Variants in PDS5A observed in about 807,000 individuals in gnomAD.
PDS5A encodes sister chromatid cohesion protein PDS5 homolog A.
A neutral mutation model predicts 167.1 loss-of-function variants in PDS5A; 42 were observed. The ratio of observed to expected loss-of-function variants is 0.25; its 90% confidence interval spans 0.20 to 0.33. PDS5A has a LOEUF of 0.33. Ranked by LOEUF, PDS5A falls within the 10% of genes least tolerant of loss-of-function variation. PDS5A has a pLI of 1.00. For missense variants in PDS5A, 1,033 were observed against 1,605.9 expected (o/e 0.64, Z 6.10); for synonymous variants, 553 against 554.6 (o/e 1.00, Z 0.04).
intron 2 of PDS5A, among the ~76,000 whole-genome samples, chr4:39,952,417 T>C (rs2109789629): frequency 6.6e-6 from 1 of 152,320 alleles, no homozygotes; most frequent in East Asian, 1.9e-4. Context: ...CTAAATGAGT[T>C]AATTATAGGA....
chr4:39,922,966 T>C (rs1015079665), intron 5 of PDS5A, among the ~76,000 whole-genome samples: 2 of 152,172 alleles, frequency 1.3e-5, no homozygotes, highest in Non-Finnish European at 2.9e-5. Flanking sequence ...TACTGTTGTA[T>C]TTTATAAAAA....
chr4:39,866,099 T>C lies in PDS5A; in HGVS notation c.2642+762A>G, dbSNP rs896519614. On this transcript the variant is annotated intron_variant, in intron 23 of 32. Transcript: ENST00000303538. ...GCTTCAACTCTCCCTTGAGTTGCCA[T>C]TGCAATTTTTATTTTTATTTATTTA... is the stretch of plus-strand genomic sequence containing the variant. 4.6e-5 allele frequency among the ~76,000 whole-genome samples: 7 copies of C among 152,138 alleles called. 1 individual carries two copies. Among genetic ancestry groups the C allele is most frequent in the Admixed American group, 2.0e-4 (3 of 15,278 alleles).
intron 32 of PDS5A, chr4:39,836,989 CTTT>C (rs71194932): frequency 7.1e-5 from 7 of 98,352 alleles, no homozygotes; most frequent in Non-Finnish European, 1.4e-4. Context: ...TTTGCATTTC[CTTT>C]TTTTTTTTTT....
rs1717081131 is a variant in PDS5A at position 39,842,076 on chromosome 4, C to G, written c.3549-20G>C. The G allele has an allele frequency of 7.1e-7, 1 of 1,407,104 alleles. No homozygotes were observed. Among genetic ancestry groups the G allele is most frequent in the African/African-American group, 1.4e-5 (1 of 70,954 alleles). 87.2% of individuals were successfully genotyped at this position (1,407,104 alleles called of 1,614,324 possible). On this transcript the variant is annotated intron_variant, in intron 30 of 32. Coordinates refer to ENST00000303538, the MANE Select transcript of PDS5A (RefSeq NM_001100399.2). ...TGTTCCCTGTTTAAAACAAATAAAC[C>G]AAGACTTCATATTTCCATGAAGAGA...
chr4:39,900,523 T>C lies in PDS5A; in HGVS notation c.1500-16A>G. 1 of 1,500,178 alleles carries C rather than the reference T, an allele frequency of 6.7e-7. No individual in the cohort carries two copies. The highest frequency in any genetic ancestry group is 9.1e-7 in the Non-Finnish European group (1 of 1,094,964). The allele number at this position is 1,500,178 out of a possible 1,614,324, so 92.9% of individuals were successfully genotyped here. On this transcript the variant is annotated splice_polypyrimidine_tract_variant and intron_variant, in intron 13 of 32. Transcript: ENST00000303538. ...GTTGAGAGCTCTGTAAAGTTATGAATATGAAAACACACATTACATAACAAT... is the reference window on the plus strand; with the variant it reads ...GTTGAGAGCTCTGTAAAGTTATGAACATGAAAACACACATTACATAACAAT...
intron 26 of PDS5A, among the ~76,000 whole-genome samples, chr4:39,856,378 A>C (rs1440996165): frequency 1.3e-5 from 2 of 152,240 alleles, no homozygotes; most frequent in East Asian, 3.8e-4. Context: ...TGAGTCCATC[A>C]GGCTGAAATG....
At chr4:39,940,033 G>GA (rs1727076801) in intron 2 of PDS5A, among the ~76,000 whole-genome samples, 2 of 152,090 alleles carry the variant, frequency 1.3e-5, no homozygotes, top group African/African-American at 4.8e-5. Context: ...CGAGGCAGGA[G>GA]AATCACTTGA....
At chr4:39,969,956 G>A (rs1179467674) in intron 2 of PDS5A, among the ~76,000 whole-genome samples, 1 of 106,952 alleles carries the variant, frequency 9.3e-6, no homozygotes, top group Non-Finnish European at 2.0e-5. Flanking sequence ...ATGTAATGTA[G>A]AATCTTTTTT....
At chr4:39,968,802 G>C (rs1348124788) in intron 2 of PDS5A, among the ~76,000 whole-genome samples, 1 of 147,728 alleles carries the variant, frequency 6.8e-6, no homozygotes, top group African/African-American at 2.5e-5. Flanking sequence ...TCGTGACAGA[G>C]TCTTGCCCTG....
At position 39,903,553 on chromosome 4, in the gene PDS5A, A is replaced by G. The variant is rs1186938355; in HGVS notation, c.1385+487T>C. 3.3e-5 allele frequency among the ~76,000 whole-genome samples: 5 copies of G among 152,210 alleles called. No homozygotes were observed. The East Asian group carries it at 9.6e-4, about 29-fold the overall frequency. On this transcript the variant is annotated intron_variant, in intron 12 of 32. Transcript: ENST00000303538. ...ATGAAAACAACTTAGTAATTCCTCT[A>G]TTGGTAGTGGTGTAAAAAGGAAAGT...
chr4:39,854,247 G>A (rs896223821), intron 26 of PDS5A, among the ~76,000 whole-genome samples: 2 of 152,164 alleles, frequency 1.3e-5, no homozygotes, highest in Non-Finnish European at 2.9e-5. Context: ...AGGTTGCAAT[G>A]AGCCAAGATC....
Position 39,945,741 on chromosome 4 carries a change from C to T in PDS5A, c.139-17577G>A, listed in dbSNP as rs191041464. The stretch of plus-strand genomic sequence containing the variant: ...GAGCATCTAGCAACTTAATAGATCT[C>T]TTAATCCATTAACTGAATGTCAAGT... On this transcript the variant is annotated intron_variant, in intron 2 of 32. Transcript: ENST00000303538. Among the ~76,000 whole-genome samples, 8 of 152,294 alleles carry T rather than the reference C, an allele frequency of 5.3e-5. No homozygotes were observed. In the East Asian group the frequency reaches 1.5e-3, roughly 29 times the overall value.
intron 17 of PDS5A, among the ~76,000 whole-genome samples, chr4:39,883,364 A>G (rs1389422307): frequency 6.6e-6 from 1 of 152,108 alleles, no homozygotes; most frequent in African/African-American, 2.4e-5. Flanking sequence ...TACTTTTAGT[A>G]GATATGGGGT....
chr4:39,849,625 T>C lies in PDS5A; in HGVS notation c.3114A>G (p.Leu1038=), dbSNP rs1452568216. ...GGCTATTGTTTTCATTCTTTGTCAT[T>C]AAAACTTCAAGCATGAACCATAGGC... is the stretch of plus-strand genomic sequence containing the variant. The part of the protein sequence containing the change: ...KECLWFMLEV[L]MTKNENNSHA... Residue 1038 remains leucine, a synonymous_variant, in exon 27 of 33, where the codon TTA becomes TTG. Transcript: ENST00000303538. 1 of 1,610,528 alleles carries C rather than the reference T, an allele frequency of 6.2e-7. No individual in the cohort carries two copies. The highest frequency in any genetic ancestry group is 8.5e-7 in the Non-Finnish European group (1 of 1,177,070).
intron 32 of PDS5A, among the ~76,000 whole-genome samples, chr4:39,836,510 C>T (rs57116819): frequency 8.5e-5 from 13 of 152,198 alleles, no homozygotes; most frequent in African/African-American, 3.1e-4. Flanking sequence ...TCTCTGCTCA[C>T]TGCAACCTCT....
At chr4:39,839,846 A>T (rs1326666057) in intron 31 of PDS5A, among the ~76,000 whole-genome samples, 1 of 151,914 alleles carries the variant, frequency 6.6e-6, no homozygotes, top group South Asian at 2.1e-4. Context: ...CCGTAATTCC[A>T]GCACTTTGGG....
Position 39,866,910 on chromosome 4 carries a change from A to T in PDS5A, c.2593T>A (p.Ser865Thr). The T allele has an allele frequency of 6.2e-7, 1 of 1,613,494 alleles. No individual in the cohort carries two copies. ...TCACCCTCACTAACCAACATCGCTG[A>T]TAATAACCGAAGGGTTGAATTGGCA... ...KSANSTLRLL[S>T]AMLVSEGDLT... The change falls in exon 23 of 33, where the codon TCA (serine) becomes ACA (threonine). Residue 865 changes from serine (S) to threonine (T), a missense_variant. By Grantham distance (58) the Ser-to-Thr change is moderately conservative (BLOSUM62 1). Coordinates refer to ENST00000303538, the MANE Select transcript of PDS5A (RefSeq NM_001100399.2).
intron 2 of PDS5A, chr4:39,973,220 T>C: frequency 7.5e-7 from 1 of 1,336,838 alleles, no homozygotes; most frequent in South Asian, 1.2e-5. Flanking sequence ...TTCATGAACC[T>C]TAGAACAGAG....
intron 12 of PDS5A, among the ~76,000 whole-genome samples, chr4:39,903,670 G>T (rs1426455207): frequency 6.6e-6 from 1 of 152,120 alleles, no homozygotes; most frequent in African/African-American, 2.4e-5. Context: ...TGATAATCCT[G>T]TGGGAAAGGC....
Sources: allele counts gnomAD v4.1 joint callset (sites outside exome capture counted in the v4.1 genomes callset), GRCh38; gene constraint gnomAD v4.1.1; transcripts MANE v1.5; gene names NCBI Gene and HGNC (gene_info 2026-07-23, HGNC 2026-07-21).